Variants in CFAP299 observed in about 807,000 individuals in gnomAD.
The protein encoded by CFAP299 is cilia and flagella associated protein 299.
Under a neutral mutation model 27.0 loss-of-function variants are expected in CFAP299, and 21 were observed. That is an observed-to-expected ratio of 0.78 (90% CI 0.55 to 1.12). CFAP299 has a LOEUF of 1.12. Among genes scored for constraint, CFAP299 ranks in the 50% most tolerant of loss-of-function variants. CFAP299 has a pLI of 0.00. For missense variants in CFAP299, 310 were observed against 276.6 expected (o/e 1.12, Z -0.86); for synonymous variants, 104 against 98.1 (o/e 1.06, Z -0.36).
intron 2 of CFAP299, among the ~76,000 whole-genome samples, chr4:80,532,359 T>G (rs2110188840): frequency 6.6e-6 from 1 of 152,338 alleles, no homozygotes; most frequent in East Asian, 1.9e-4. Flanking sequence ...GGGAATGTGA[T>G]ATTAAAAAGT....
chr4:80,595,220 T>C (rs1161715576), intron 3 of CFAP299, among the ~76,000 whole-genome samples: 1 of 152,106 alleles, frequency 6.6e-6, no homozygotes, highest in Admixed American at 6.5e-5. Context: ...TCTAGGGCTC[T>C]GCCAAGATTG....
intron 3 of CFAP299, among the ~76,000 whole-genome samples, chr4:80,617,755 A>G (rs1738367148): frequency 6.6e-6 from 1 of 152,166 alleles, no homozygotes; most frequent in African/African-American, 2.4e-5. Flanking sequence ...TGAAAGAACT[A>G]AGGGATAACC....
At chr4:80,885,107 G>A (rs574865264) in intron 4 of CFAP299, among the ~76,000 whole-genome samples, 4 of 152,190 alleles carry the variant, frequency 2.6e-5, no homozygotes, top group Admixed American at 6.5e-5. Flanking sequence ...CCTATCACAC[G>A]CAGCAGATAA....
rs1736125895 is a variant in CFAP299, at chr4:80,923,094, G to T, written c.477-21716G>T. 2.0e-5 allele frequency among the ~76,000 whole-genome samples: 3 copies of T among 151,982 alleles called. No individual in the cohort carries two copies. The South Asian group carries it at 6.2e-4, about 31-fold the overall frequency. On this transcript the variant is annotated intron_variant, in intron 4 of 5. Transcript: ENST00000358105. ...TTTACATTTAGATAATCTGCTCCAAGGGGGAACATTTGCTAGCTCAAGGAG... is the reference window on the plus strand; with the variant it reads ...TTTACATTTAGATAATCTGCTCCAATGGGGAACATTTGCTAGCTCAAGGAG...
intron 2 of CFAP299, among the ~76,000 whole-genome samples, chr4:80,424,866 A>T (rs539336326): frequency 6.6e-6 from 1 of 152,182 alleles, no homozygotes; most frequent in African/African-American, 2.4e-5. Flanking sequence ...TGATTTCTTA[A>T]TGGATTTAAT....
chr4:80,900,042 T>A (rs991360494), intron 4 of CFAP299, among the ~76,000 whole-genome samples: 4 of 151,510 alleles, frequency 2.6e-5, no homozygotes, highest in African/African-American at 9.7e-5. Context: ...GGTTGAAAGG[T>A]GACTTGGAGG....
chr4:80,512,725 CA>C (rs1244279011), intron 2 of CFAP299, among the ~76,000 whole-genome samples: 1 of 151,738 alleles, frequency 6.6e-6, no homozygotes, highest in Non-Finnish European at 1.5e-5. Context: ...CTTTGGATGT[CA>C]AAAAAGAGAT....
intron 3 of CFAP299, among the ~76,000 whole-genome samples, chr4:80,827,238 C>A (rs1415403886): frequency 2.0e-5 from 3 of 151,668 alleles, no homozygotes; most frequent in African/African-American, 7.3e-5. Context: ...TAATCAGATA[C>A]CAAAGTCAAA....
At chr4:80,465,697 G>A (rs1055085423) in intron 2 of CFAP299, among the ~76,000 whole-genome samples, 4 of 152,112 alleles carry the variant, frequency 2.6e-5, no homozygotes, top group Non-Finnish European at 5.9e-5. Context: ...AAGAGAAATA[G>A]AATGACATAC....
At chr4:80,339,071 C>A (rs181166621) in intron 1 of CFAP299, among the ~76,000 whole-genome samples, 5 of 152,282 alleles carry the variant, frequency 3.3e-5, no homozygotes, top group Admixed American at 3.3e-4. Flanking sequence ...TTATTCCCTG[C>A]CATCTTCCTA....
intron 2 of CFAP299, chr4:80,386,791 G>A (rs1016582230): frequency 5.3e-6 from 6 of 1,136,286 alleles, no homozygotes; most frequent in Non-Finnish European, 8.0e-6. Flanking sequence ...CGCAGCTTGT[G>A]TGCGTCGATA....
intron 3 of CFAP299, among the ~76,000 whole-genome samples, chr4:80,591,486 G>A (rs1420697699): frequency 2.0e-5 from 3 of 152,118 alleles, no homozygotes; most frequent in Non-Finnish European, 2.9e-5. Flanking sequence ...TCGAACTTTG[G>A]CGTGGCACCT....
chr4:80,459,726 A>T (rs1187426789), intron 2 of CFAP299, among the ~76,000 whole-genome samples: 1 of 152,160 alleles, frequency 6.6e-6, no homozygotes, highest in Non-Finnish European at 1.5e-5. Context: ...ACAACCAGAC[A>T]TCTGGAAATC....
chr4:80,694,274 G>A lies in CFAP299; in HGVS notation c.333+111091G>A, dbSNP rs186317213. Among the ~76,000 whole-genome samples the A allele has an allele frequency of 5.3e-5, 8 of 152,236 alleles. No individual in the cohort carries two copies. In the East Asian group the frequency reaches 7.7e-4, roughly 15 times the overall value. On this transcript the variant is annotated intron_variant, in intron 3 of 5. Coordinates refer to ENST00000358105, the MANE Select transcript of CFAP299 (RefSeq NM_152770.3). ...AGTACATACGTCTCACAAGACAGGC[G>A]TTCATCAGCTCTTTTCCTGCCAATT...
chr4:80,565,497 G>T (rs1387817514), intron 2 of CFAP299, among the ~76,000 whole-genome samples: 1 of 151,998 alleles, frequency 6.6e-6, no homozygotes. Flanking sequence ...GGGTAGAAAG[G>T]ACTCGGGGAG....
chr4:80,753,857 A>G (rs1186789451), intron 3 of CFAP299, among the ~76,000 whole-genome samples: 1 of 152,042 alleles, frequency 6.6e-6, no homozygotes, highest in East Asian at 1.9e-4. Flanking sequence ...AATATTTCTT[A>G]TGGTTTCCTT....
chr4:80,361,942 A>G (rs533622197), intron 1 of CFAP299, among the ~76,000 whole-genome samples: 1 of 152,188 alleles, frequency 6.6e-6, no homozygotes, highest in Non-Finnish European at 1.5e-5. Context: ...AATGGCCACT[A>G]TTAATATATA....
chr4:80,926,351 G>A (rs1165633071), intron 4 of CFAP299, among the ~76,000 whole-genome samples: 1 of 152,000 alleles, frequency 6.6e-6, no homozygotes, highest in Non-Finnish European at 1.5e-5. Context: ...AATATCTTAT[G>A]TGATATGTTT....
intron 3 of CFAP299, among the ~76,000 whole-genome samples, chr4:80,840,726 T>A (rs912035036): frequency 5.9e-5 from 9 of 152,138 alleles, no homozygotes; most frequent in Admixed American, 5.9e-4. Context: ...AGGATTAAGA[T>A]GATCTTATTT....
Sources: gnomAD v4.1 joint callset for allele counts (sites outside exome capture counted in the v4.1 genomes callset) on GRCh38, gnomAD v4.1.1 for gene constraint, MANE v1.5 for transcripts, NCBI Gene and HGNC (gene_info 2026-07-23, HGNC 2026-07-21) for gene names.